Variants in SAMD5 observed in about 807,000 individuals in gnomAD.
The protein encoded by SAMD5 is sterile alpha motif domain containing 5.
In SAMD5, 13 loss-of-function variants were observed where a neutral mutation model predicts 11.3. The ratio of observed to expected loss-of-function variants is 1.15; its 90% CI spans 0.75 to 1.83. The LOEUF is 1.83. Ranked by LOEUF, SAMD5 falls within the 40% of genes most tolerant of loss-of-function variation. SAMD5 has a pLI of 0.00. For missense variants in SAMD5, 255 were observed against 239.1 expected (o/e 1.07, Z -0.44); for synonymous variants, 129 against 111.3 (o/e 1.16, Z -1.00).
the SAMD5 span, among the ~76,000 whole-genome samples, chr6:147,872,589 G>A: frequency 3.9e-5 from 6 of 152,122 alleles, no homozygotes; most frequent in Admixed American, 1.3e-4. Flanking sequence ...GCAAGAAGCT[G>A]GATTTGAACT....
At chr6:147,822,981 AT>A in the SAMD5 span, among the ~76,000 whole-genome samples, 45,642 of 151,596 alleles carry the variant, frequency 0.3, 8,060 homozygotes, top group African/African-American at 0.49. Flanking sequence ...CACCCGGCTA[AT>A]TTTTTTATAT....
chr6:147,838,510 A>G, the SAMD5 span, among the ~76,000 whole-genome samples: 1 of 149,812 alleles, frequency 6.7e-6, no homozygotes, highest in African/African-American at 2.5e-5. Context: ...CCTAAAACAC[A>G]CTAGGAACTA....
intron 1 of SAMD5, among the ~76,000 whole-genome samples, chr6:147,639,090 A>T (rs971798510): frequency 9.8e-5 from 15 of 152,306 alleles, no homozygotes; most frequent in African/African-American, 3.6e-4. Context: ...TTAGTTATTT[A>T]AACTGCAAAT....
chr6:147,733,872 C>T (rs993357790), intron 1 of SAMD5: 8 of 278,574 alleles, frequency 2.9e-5, no homozygotes, highest in South Asian at 2.7e-4. Context: ...GCTGGAAAAG[C>T]GCCATTCCCT....
intron 1 of SAMD5, among the ~76,000 whole-genome samples, chr6:147,525,274 A>G (rs1012117416): frequency 1.4e-5 from 2 of 146,624 alleles, no homozygotes; most frequent in African/African-American, 5.1e-5. Flanking sequence ...GGACCTGTCT[A>G]TGTGGTTCAT....
chr6:147,823,642 A>T, the SAMD5 span, among the ~76,000 whole-genome samples: 3 of 152,152 alleles, frequency 2.0e-5, no homozygotes, highest in Non-Finnish European at 4.4e-5. Flanking sequence ...AAGATAACTT[A>T]AAAAGTACCA....
chr6:147,873,201 G>A, the SAMD5 span, among the ~76,000 whole-genome samples: 119,180 of 151,868 alleles, frequency 0.78, 46,873 homozygotes, highest in Admixed American at 0.8. Flanking sequence ...ACATGGTGAA[G>A]CCCTGTCTCT....
At chr6:147,718,689 C>G in intron 1 of SAMD5, among the ~76,000 whole-genome samples, 2 of 89,216 alleles carry the variant, frequency 2.2e-5, no homozygotes, top group Non-Finnish European at 4.9e-5. Context: ...GGCTCTTTCT[C>G]GTTTTTTTTC....
rs186563400 is a variant in SAMD5 at position 147,685,109 on chromosome 6, C to T, written c.163-52208C>T. On this transcript the variant is annotated intron_variant, in intron 1 of 1. Transcript: ENST00000566741. Reference sequence around the variant, plus strand: ...CCTTGGCAAATTGTCATACTCCTTTCTAAGTTTGGATCAGATTTATATGGC... The same window carrying T: ...CCTTGGCAAATTGTCATACTCCTTTTTAAGTTTGGATCAGATTTATATGGC... 5.6e-3 allele frequency among the ~76,000 whole-genome samples: 850 copies of T among 152,312 alleles called. 1 individual carries two copies. Among genetic ancestry groups the T allele is most frequent in the Middle Eastern group, 0.031 (9 of 294 alleles).
Position 147,569,278 on chromosome 6 carries a change from A to G in SAMD5, c.*4822A>G, listed in dbSNP as rs1451591868. Reference sequence around the variant, plus strand: ...ATTGAAGAACATAACTTTTCTACTTATGAAATAGATAATTTTTTAAAATTG... The same window carrying G: ...ATTGAAGAACATAACTTTTCTACTTGTGAAATAGATAATTTTTTAAAATTG... On this transcript the variant is annotated 3_prime_UTR_variant, in exon 2 of 2. Coordinates refer to ENST00000367474, the MANE Select transcript of SAMD5 (RefSeq NM_001030060.3). 5.0e-6 allele frequency: 2 copies of G among 396,078 alleles called. No homozygotes were observed. Among genetic ancestry groups the G allele is most frequent in the Non-Finnish European group, 6.8e-6 (2 of 292,714 alleles). 24.5% of individuals were successfully genotyped at this position (396,078 alleles called of 1,614,324 possible). A position where few individuals can be genotyped will look rare whatever the true frequency, so the allele number is the denominator to read the frequency against.
the SAMD5 span, among the ~76,000 whole-genome samples, chr6:147,779,168 C>T: frequency 1.3e-5 from 2 of 151,980 alleles, no homozygotes; most frequent in East Asian, 3.9e-4. Flanking sequence ...TACACATATA[C>T]ACACACACAT....
chr6:147,849,552 G>C, the SAMD5 span, among the ~76,000 whole-genome samples: 2 of 152,098 alleles, frequency 1.3e-5, no homozygotes, highest in African/African-American at 4.8e-5. Flanking sequence ...GTACTAAAGT[G>C]CTTAATGGAC....
chr6:147,823,846 A>G, the SAMD5 span, among the ~76,000 whole-genome samples: 1 of 152,352 alleles, frequency 6.6e-6, no homozygotes, highest in Admixed American at 6.5e-5. Flanking sequence ...TTATATATTT[A>G]GAGGTAAATA....
At chr6:147,550,507 A>G (rs570164815) in intron 1 of SAMD5, among the ~76,000 whole-genome samples, 1 of 152,344 alleles carries the variant, frequency 6.6e-6, no homozygotes, top group East Asian at 1.9e-4. Context: ...CAACCTAAGT[A>G]TCCATCAATG....
chr6:147,702,069 T>A (rs111480588), intron 1 of SAMD5, among the ~76,000 whole-genome samples: 14,077 of 152,228 alleles, frequency 0.092, 763 homozygotes, highest in African/African-American at 0.15. Flanking sequence ...GGACTCACAT[T>A]TCCACATGGC....
the SAMD5 span, chr6:147,953,883 C>A: frequency 6.6e-6 from 1 of 152,110 alleles, no homozygotes; most frequent in African/African-American, 2.4e-5. Flanking sequence ...GAAATTTGAA[C>A]TTCATATTGC....
At chr6:147,782,606 A>G in the SAMD5 span, among the ~76,000 whole-genome samples, 4 of 152,342 alleles carry the variant, frequency 2.6e-5, no homozygotes, top group Admixed American at 2.6e-4. Flanking sequence ...TGATTCACCA[A>G]TAGGGTAGTA....
chr6:147,651,289 T>C (rs1331069284), intron 1 of SAMD5, among the ~76,000 whole-genome samples: 5 of 152,250 alleles, frequency 3.3e-5, no homozygotes, highest in Non-Finnish European at 7.3e-5. Context: ...CTTTGGTTCA[T>C]TGAACTCCAC....
At chr6:147,884,205 G>A in the SAMD5 span, among the ~76,000 whole-genome samples, 1 of 152,180 alleles carries the variant, frequency 6.6e-6, no homozygotes, top group Non-Finnish European at 1.5e-5. Flanking sequence ...TGTACAGTTG[G>A]CAAAGAGAAC....
Sources: gnomAD v4.1 joint callset for allele counts (sites outside exome capture counted in the v4.1 genomes callset) on GRCh38, gnomAD v4.1.1 for gene constraint, MANE v1.5 for transcripts, NCBI Gene and HGNC (gene_info 2026-07-23, HGNC 2026-07-21) for gene names.